Variants in THEMIS observed in about 807,000 individuals in gnomAD.
The protein encoded by THEMIS is thymocyte selection associated.
In THEMIS, 37 loss-of-function variants were observed where a neutral mutation model predicts 52.6. That is an observed-to-expected ratio of 0.70 (90% CI 0.54 to 0.93). THEMIS has a LOEUF of 0.93. Among genes scored for constraint, THEMIS ranks in the 40% least tolerant of loss-of-function variants. The probability of loss-of-function intolerance (pLI) is 0.00; values close to 1 mark genes in which losing one functional copy is unlikely to be tolerated. For missense variants in THEMIS, 808 were observed against 763.1 expected, an observed-to-expected ratio of 1.06 and a Z score of -0.69; for synonymous variants, 292 against 272.7, an observed-to-expected ratio of 1.07 and a Z score of -0.70.
At chr6:127,714,394 CA>C (rs1461727467) in intron 5 of THEMIS, among the ~76,000 whole-genome samples, 3 of 151,498 alleles carry the variant, frequency 2.0e-5, no homozygotes, top group African/African-American at 4.8e-5. Context: ...TTTTACATGT[CA>C]AAAATATTAT....
intron 1 of THEMIS, among the ~76,000 whole-genome samples, chr6:127,891,463 G>T (rs1194172262): frequency 1.3e-5 from 2 of 150,854 alleles, no homozygotes; most frequent in Non-Finnish European, 2.9e-5. Flanking sequence ...TTGAATCCGG[G>T]AGGTGGAGGT....
chr6:127,790,056 G>C (rs898717081), intron 4 of THEMIS, among the ~76,000 whole-genome samples: 1 of 152,320 alleles, frequency 6.6e-6, no homozygotes, highest in Non-Finnish European at 1.5e-5. Flanking sequence ...GATATAAAGC[G>C]TACTCAGACA....
Position 127,708,816 on chromosome 6 carries a change from T to C in THEMIS, c.*1169A>G, listed in dbSNP as rs1349788022. On this transcript the variant is annotated 3_prime_UTR_variant, in exon 6 of 6. Coordinates refer to ENST00000368248, the MANE Select transcript of THEMIS (RefSeq NM_001010923.3). Reference sequence around the variant, plus strand: ...ACTCTAATTTTTTTTGTTCTAAAGTTGACTCACAATTTATTGTCTTCAGAA... The same window carrying C: ...ACTCTAATTTTTTTTGTTCTAAAGTCGACTCACAATTTATTGTCTTCAGAA... The C allele has an allele frequency of 6.6e-6, 1 of 152,034 alleles. No individual in the cohort carries two copies. The highest frequency in any genetic ancestry group is 1.5e-5 in the Non-Finnish European group (1 of 67,956). 9.4% of individuals were successfully genotyped at this position (152,034 alleles called of 1,614,324 possible). A position where few individuals can be genotyped will look rare whatever the true frequency, so the allele number is the denominator to read the frequency against.
At chr6:127,821,290 T>C (rs534522548) in intron 3 of THEMIS, among the ~76,000 whole-genome samples, 33 of 151,960 alleles carry the variant, frequency 2.2e-4, no homozygotes, top group African/African-American at 5.1e-4. Context: ...AATTAGAAAA[T>C]GTCATTTTCC....
At chr6:127,787,989 G>A (rs1284118420) in intron 4 of THEMIS, among the ~76,000 whole-genome samples, 2 of 152,110 alleles carry the variant, frequency 1.3e-5, no homozygotes, top group Non-Finnish European at 2.9e-5. Context: ...TATTCACAGA[G>A]CATCTTAGCA....
chr6:127,782,767 T>C (rs987348660), intron 4 of THEMIS, among the ~76,000 whole-genome samples: 1 of 152,158 alleles, frequency 6.6e-6, no homozygotes, highest in Admixed American at 6.5e-5. Context: ...TCCTCTTCCA[T>C]GCTCATGGAT....
At chr6:127,885,884 G>A (rs1353263034) in intron 1 of THEMIS, among the ~76,000 whole-genome samples, 2 of 151,968 alleles carry the variant, frequency 1.3e-5, no homozygotes, top group Admixed American at 1.3e-4. Flanking sequence ...AGTGGCTCAT[G>A]CTCTCTAAAT....
At chr6:127,770,083 A>C (rs1020803490) in intron 4 of THEMIS, among the ~76,000 whole-genome samples, 10 of 152,200 alleles carry the variant, frequency 6.6e-5, no homozygotes, top group Admixed American at 4.6e-4. Flanking sequence ...CAATAAACAT[A>C]TGTGTGCATG....
At chr6:127,754,785 T>A (rs1044091493) in intron 4 of THEMIS, among the ~76,000 whole-genome samples, 7 of 151,970 alleles carry the variant, frequency 4.6e-5, no homozygotes, top group Admixed American at 1.3e-4. Context: ...CAAAGAGATT[T>A]GGGGACAGCA....
chr6:127,914,455 C>T (rs1352429691), intron 1 of THEMIS, among the ~76,000 whole-genome samples: 3 of 152,092 alleles, frequency 2.0e-5, no homozygotes, highest in South Asian at 2.1e-4. Context: ...TTCATTGTTG[C>T]GTTAATCATA....
intron 1 of THEMIS, among the ~76,000 whole-genome samples, chr6:127,888,699 G>GT (rs1780716825): frequency 6.6e-6 from 1 of 151,906 alleles, no homozygotes; most frequent in Non-Finnish European, 1.5e-5. Flanking sequence ...AACCAATTTT[G>GT]TTTTTTGCCA....
intron 4 of THEMIS, among the ~76,000 whole-genome samples, chr6:127,754,379 A>C (rs532766665): frequency 6.6e-6 from 1 of 152,312 alleles, no homozygotes; most frequent in East Asian, 1.9e-4. Flanking sequence ...ATATGTTTAC[A>C]GTTGAAACTC....
rs542770444 is a variant in THEMIS, at chr6:127,731,546, G to A, written c.1759-11723C>T. On this transcript the variant is annotated intron_variant, in intron 4 of 5. Transcript: ENST00000368248. ...CATGTATTAGCATATTGAAATCTTC[G>A]GCATTTTTTTTTCTAAGCATTTGTC... is the stretch of plus-strand genomic sequence containing the variant. Among the ~76,000 whole-genome samples the A allele has an allele frequency of 1.2e-4, 18 of 148,910 alleles. 1 individual carries two copies. In the East Asian group the frequency reaches 2.7e-3, roughly 23 times the overall value.
intron 2 of THEMIS, among the ~76,000 whole-genome samples, chr6:127,850,982 C>T (rs1205658678): frequency 6.6e-6 from 1 of 151,340 alleles, no homozygotes; most frequent in African/African-American, 2.4e-5. Context: ...AAAATATATA[C>T]AAAGAACTAA....
chr6:127,903,408 A>T (rs539050496), upstream of THEMIS, among the ~76,000 whole-genome samples: 80 of 150,944 alleles, frequency 5.3e-4, no homozygotes, highest in African/African-American at 1.3e-3. Flanking sequence ...CGAGAATTTT[A>T]AAAAAAAAAC....
At chr6:127,865,769 T>G (rs1471401236) in intron 1 of THEMIS, among the ~76,000 whole-genome samples, 1 of 152,164 alleles carries the variant, frequency 6.6e-6, no homozygotes, top group Non-Finnish European at 1.5e-5. Flanking sequence ...TATACTGTAA[T>G]TCATTTTGGC....
intron 1 of THEMIS, among the ~76,000 whole-genome samples, chr6:127,894,635 C>T (rs1036275790): frequency 2.1e-4 from 32 of 151,544 alleles, no homozygotes; most frequent in African/African-American, 7.3e-4. Context: ...AGAAAATAAA[C>T]GAGACTGAAT....
intron 4 of THEMIS, among the ~76,000 whole-genome samples, chr6:127,731,878 T>TTTTTTTTTTTTTTTTTTTTTTC (rs1774818026): frequency 8.6e-6 from 1 of 116,370 alleles, no homozygotes. Context: ...TTTTTTTTTT[T>TTTTTTTTTTTTTTTTTTTTTTC]TTTTTTTTTA....
In THEMIS at chr6:127,813,827, C is replaced by A. The variant is rs757756359; in HGVS notation, c.814G>T (p.Asp272Tyr). The A allele has an allele frequency of 1.9e-6, 3 of 1,613,740 alleles. No individual in the cohort carries two copies. The highest frequency in any genetic ancestry group is 2.5e-6 in the Non-Finnish European group (3 of 1,179,904). Residue 272 changes from aspartate to tyrosine, a missense_variant, in exon 4 of 6, where the codon GAT becomes TAT. Transcript: ENST00000368248. The part of the protein sequence containing the change: ...NWFLQLLSTE[D>Y]LFEMTSKEFP... The stretch of plus-strand genomic sequence containing the variant: ...TCTTTACTAGTCATTTCAAAAAGAT[C>A]TTCTGTTGATAACAGCTGAAGAAAC...
Sources: allele counts gnomAD v4.1 joint callset (sites outside exome capture counted in the v4.1 genomes callset), GRCh38; gene constraint gnomAD v4.1.1; transcripts MANE v1.5; gene names NCBI Gene and HGNC (gene_info 2026-07-23, HGNC 2026-07-21).